Variants in TXNDC11 observed in about 807,000 individuals in gnomAD.
TXNDC11 encodes thioredoxin domain-containing protein 11.
In TXNDC11, 68 loss-of-function variants were observed where a neutral mutation model predicts 78.0. The ratio of observed to expected loss-of-function variants is 0.87; its 90% CI spans 0.72 to 1.07. TXNDC11 has a LOEUF of 1.07. TXNDC11 is among the 50% of genes least tolerant of loss of function. TXNDC11 has a pLI of 0.00. For synonymous variants in TXNDC11, 571 were observed against 495.2 expected (o/e 1.15, Z -2.03); for missense variants, 1,389 against 1,221.8 (o/e 1.14, Z -2.04).
In TXNDC11 at chr16:11,692,078, G is replaced by C. The variant is rs747147171; in HGVS notation, c.1112C>G (p.Thr371Ser). The stretch of plus-strand genomic sequence containing the variant: ...GTTGTTGTACTCCAAGGCCACTTCG[G>C]TGATCTGAAATACAGGGCAGAGTTG... ...AESHPLIDEI[T>S]EVALEYNNCH... The change falls in exon 8 of 12, where the codon ACC (threonine) becomes AGC (serine). Residue 371 changes from threonine to serine, a missense_variant. Thr to Ser is a moderately conservative substitution (Grantham distance 58, BLOSUM62 1). Coordinates refer to ENST00000283033, the MANE Select transcript of TXNDC11 (RefSeq NM_015914.7). 3 of 1,521,990 alleles carry C rather than the reference G, an allele frequency of 2.0e-6. 1 individual carries two copies. The South Asian group carries it at 4.0e-5, about 20-fold the overall frequency. The allele number at this position is 1,521,990 out of a possible 1,614,324, so 94.3% of individuals were successfully genotyped here. A position where few individuals can be genotyped will look rare whatever the true frequency, so the allele number is the denominator to read the frequency against.
At chr16:11,714,583 T>C (rs891853597) in intron 5 of TXNDC11, among the ~76,000 whole-genome samples, 2 of 151,022 alleles carry the variant, frequency 1.3e-5, no homozygotes, top group Admixed American at 1.3e-4. Flanking sequence ...GAGGTTGCAG[T>C]GAGCCGAGAT....
chr16:11,717,434 G>GACAAAAAAAAAAAAAAAAAAAAAAA, intron 5 of TXNDC11, among the ~76,000 whole-genome samples: 1 of 62,330 alleles, frequency 1.6e-5, no homozygotes, highest in Non-Finnish European at 2.8e-5. Flanking sequence ...GACTCCAAAT[G>GACAAAAAAAAAAAAAAAAAAAAAAA]AAAAAAAAAA....
rs371270978 is a variant in TXNDC11 at position 11,742,351 on chromosome 16, C to G, written c.254+126G>C. ...CGTGGCCGCAGGTTCCGGGAGGGGT[C>G]AGCCGTCCTGGGCAAGGTCAGGCCC... On this transcript the variant is annotated intron_variant, in intron 1 of 11. Coordinates refer to ENST00000283033, the MANE Select transcript of TXNDC11 (RefSeq NM_015914.7). 1.1e-5 allele frequency: 8 copies of G among 732,414 alleles called. No homozygotes were observed. The African/African-American group carries it at 1.5e-4, about 14-fold the overall frequency. The allele number at this position is 732,414 out of a possible 1,614,324, so 45.4% of individuals were successfully genotyped here.
chr16:11,701,866 G>A (rs1195704992), intron 5 of TXNDC11, among the ~76,000 whole-genome samples: 1 of 152,092 alleles, frequency 6.6e-6, no homozygotes, highest in Admixed American at 6.6e-5. Context: ...CTACAAGAAT[G>A]GACACAGCTG....
At chr16:11,721,322 C>T (rs8058003) in intron 5 of TXNDC11, 140,275 of 238,906 alleles carry the variant, frequency 0.59, 42,273 homozygotes, top group African/African-American at 0.71. Context: ...ACCTATGTAA[C>T]TCCAGCTACT....
At position 11,679,843 on chromosome 16, in the gene TXNDC11, G is replaced by C. The variant is rs751958605; in HGVS notation, c.2235-6C>G. 2 of 1,602,534 alleles carry C rather than the reference G, an allele frequency of 1.2e-6. No homozygotes were observed. The highest frequency in any genetic ancestry group is 2.2e-5 in the South Asian group (2 of 90,420). On this transcript the variant is annotated splice_region_variant and splice_polypyrimidine_tract_variant and intron_variant, in intron 11 of 11. Coordinates refer to ENST00000283033, the MANE Select transcript of TXNDC11 (RefSeq NM_015914.7). This position sits in a 1 kb window ranked among gnomAD's most constrained non-coding sequence, Gnocchi z 4.6. ...ATTTCACACTTAGGTCCTTTCTGGA[G>C]AGAGAGGGAAAGGAAGCAAAGACAG...
chr16:11,710,336 C>CAT (rs56339063), intron 5 of TXNDC11, among the ~76,000 whole-genome samples: 91,649 of 151,560 alleles, frequency 0.6, 28,414 homozygotes, highest in African/African-American at 0.71. Context: ...GTCTCTGTCA[C>CAT]GTTCTCTTTT....
intron 1 of TXNDC11, among the ~76,000 whole-genome samples, chr16:11,740,096 G>T (rs1417972839): frequency 6.6e-6 from 1 of 151,076 alleles, no homozygotes; most frequent in Admixed American, 6.6e-5. Flanking sequence ...AGGAGGCTGA[G>T]GCAGGAGAAT....
chr16:11,734,956 T>A (rs1487664463), intron 2 of TXNDC11, among the ~76,000 whole-genome samples: 1 of 152,184 alleles, frequency 6.6e-6, no homozygotes, highest in African/African-American at 2.4e-5. Flanking sequence ...CAAACCTGCT[T>A]TGCACACGGA....
At position 11,691,841 on chromosome 16, in the gene TXNDC11, G is replaced by A. The variant is rs753753198; in HGVS notation, c.1349C>T (p.Ser450Phe). Residue 450 changes from serine to phenylalanine, a missense_variant, in exon 8 of 12, where the codon TCC becomes TTC. Ser to Phe is a radical substitution (Grantham distance 155). Transcript: ENST00000283033. ...GACCGAGCTCGGCTTCATGCCCCCGGAGGTCTGGTTGACACAGAGTTCACA... is the reference window on the plus strand; with the variant it reads ...GACCGAGCTCGGCTTCATGCCCCCGAAGGTCTGGTTGACACAGAGTTCACA... ...NVCELCVNQTSGGMKPSSVSV... is the reference protein window; with the variant it reads ...NVCELCVNQTFGGMKPSSVSV... The A allele has an allele frequency of 6.2e-7, 1 of 1,614,244 alleles. No individual in the cohort carries two copies. Among genetic ancestry groups the A allele is most frequent in the East Asian group, 2.2e-5 (1 of 44,896 alleles).
intron 5 of TXNDC11, among the ~76,000 whole-genome samples, chr16:11,705,752 CT>C (rs2051163135): frequency 6.6e-6 from 1 of 152,200 alleles, no homozygotes; most frequent in South Asian, 2.1e-4. Context: ...AAACACGCTT[CT>C]ATTTAAGTTC....
chr16:11,711,318 T>C (rs910586509), intron 5 of TXNDC11, among the ~76,000 whole-genome samples: 2 of 152,132 alleles, frequency 1.3e-5, no homozygotes, highest in African/African-American at 4.8e-5. Context: ...GTTGTTGCTG[T>C]AACAAATAAT....
At position 11,679,107 on chromosome 16, in the gene TXNDC11, T is replaced by A; in HGVS notation, c.*88A>T. 1 of 1,387,914 alleles carries A rather than the reference T, an allele frequency of 7.2e-7. No individual in the cohort carries two copies. The highest frequency in any genetic ancestry group is 1.4e-5 in the South Asian group (1 of 74,020). The allele number at this position is 1,387,914 out of a possible 1,614,324, so 86.0% of individuals were successfully genotyped here. On this transcript the variant is annotated 3_prime_UTR_variant, in exon 12 of 12. Coordinates refer to ENST00000283033, the MANE Select transcript of TXNDC11 (RefSeq NM_015914.7). This position sits in a 1 kb window ranked among gnomAD's most constrained non-coding sequence, Gnocchi z 4.6. ...ATTTTCTAGACCACTGAGAAAATCT[T>A]TATTTACAATAAATTTCAATAAAAT...
chr16:11,692,651 A>G (rs1028630056), intron 7 of TXNDC11, among the ~76,000 whole-genome samples: 2 of 152,228 alleles, frequency 1.3e-5, no homozygotes, highest in East Asian at 3.8e-4. Context: ...CTGTGGTTTC[A>G]GGCATTCATT....
At chr16:11,694,575 G>A (rs11645244) in intron 7 of TXNDC11, among the ~76,000 whole-genome samples, 57,048 of 151,760 alleles carry the variant, frequency 0.38, 12,123 homozygotes, top group Non-Finnish European at 0.49. Context: ...AGCCTCCCAA[G>A]TAGCTGAGAC....
intron 5 of TXNDC11, among the ~76,000 whole-genome samples, chr16:11,711,814 T>A (rs1451964965): frequency 6.6e-6 from 1 of 152,198 alleles, no homozygotes; most frequent in Admixed American, 6.5e-5. Flanking sequence ...GGTTTCTCCA[T>A]CTGTGAAACT....
chr16:11,731,662 TA>T (rs562228596), intron 3 of TXNDC11, among the ~76,000 whole-genome samples: 54 of 151,368 alleles, frequency 3.6e-4, no homozygotes, highest in African/African-American at 1.3e-3. Context: ...GTGATTATAA[TA>T]CCATAATACA....
chr16:11,738,328 C>T (rs547677866), intron 1 of TXNDC11, among the ~76,000 whole-genome samples: 15 of 152,320 alleles, frequency 9.8e-5, no homozygotes, highest in African/African-American at 3.4e-4. Flanking sequence ...AGAATGCCTT[C>T]ATAACCTGAA....
intron 5 of TXNDC11, among the ~76,000 whole-genome samples, chr16:11,720,334 CCTAT>C (rs1349122598): frequency 6.6e-6 from 1 of 152,102 alleles, no homozygotes; most frequent in Admixed American, 6.6e-5. Context: ...TAAATTACAA[CCTAT>C]CTGACAGATA....
Sources: allele counts gnomAD v4.1 joint callset (sites outside exome capture counted in the v4.1 genomes callset), GRCh38; gene constraint gnomAD v4.1.1; non-coding constraint Gnocchi (gnomAD v3.1); transcripts MANE v1.5; gene names NCBI Gene and HGNC (gene_info 2026-07-23, HGNC 2026-07-21).